The following RBPJ variants were observed in gnomAD, a reference collection of about 807,000 sequenced individuals.
The protein encoded by RBPJ is recombining binding protein suppressor of hairless.
In RBPJ, 9 loss-of-function variants were observed where a neutral mutation model predicts 67.8. That is an observed-to-expected ratio of 0.13 (90% CI 0.08 to 0.23). RBPJ has a LOEUF of 0.23. Among genes scored for constraint, RBPJ ranks in the 10% least tolerant of loss-of-function variants. The pLI is 1.00. For synonymous variants in RBPJ, 198 were observed against 203.3 expected, an observed-to-expected ratio of 0.97 and a Z score of 0.22; for missense variants, 305 against 595.6, an observed-to-expected ratio of 0.51 and a Z score of 5.08.
intron 1 of RBPJ, among the ~76,000 whole-genome samples, chr4:26,258,140 T>TAG (rs1363487932): frequency 1.3e-5 from 2 of 152,234 alleles, no homozygotes; most frequent in Non-Finnish European, 2.9e-5. Context: ...CCAAGCCTCA[T>TAG]AGAGCATCAT....
chr4:26,277,509 T>C (rs1577381704), intron 1 of RBPJ, among the ~76,000 whole-genome samples: 1 of 152,234 alleles, frequency 6.6e-6, no homozygotes, highest in Admixed American at 6.5e-5. Flanking sequence ...CTTCAATGCA[T>C]GGCCTTGGTG....
intron 1 of RBPJ, among the ~76,000 whole-genome samples, chr4:26,164,979 T>TG (rs1716212206): frequency 6.6e-6 from 1 of 152,200 alleles, no homozygotes; most frequent in African/African-American, 2.4e-5. Flanking sequence ...AGACAAACAA[T>TG]GGACTAGTTA....
chr4:26,242,705 TAAAAAAAA>T (rs1025631996), intron 1 of RBPJ, among the ~76,000 whole-genome samples: 6 of 100,414 alleles, frequency 6.0e-5, no homozygotes, highest in Non-Finnish European at 9.9e-5. Flanking sequence ...CACTCATAGT[TAAAAAAAA>T]AAAAAAAAAA....
At chr4:26,158,504 G>A (rs1361625202), upstream of RBPJ, among the ~76,000 whole-genome samples, 5 of 152,200 alleles carry the variant, frequency 3.3e-5, no homozygotes, top group Non-Finnish European at 7.3e-5. Context: ...TTACCCTCCA[G>A]ATGAGGAAAA....
chr4:26,426,298 C>A (rs1206167459), intron 7 of RBPJ, among the ~76,000 whole-genome samples: 2 of 152,158 alleles, frequency 1.3e-5, no homozygotes, highest in Non-Finnish European at 2.9e-5. Context: ...GTTTATAATA[C>A]AAACCACTTA....
chr4:26,321,121 GGTTCGGGGGCCGCGGCGCGCTTGGC>G (rs1218694483), intron 1 of RBPJ, 73 bp downstream of exon 1: 11 of 1,289,110 alleles, frequency 8.5e-6, no homozygotes, highest in African/African-American at 1.5e-5. Flanking sequence ...GCGGGCAGCG[GGTTCGGGGGCCGCGGCGCGCTTGGC>G]GTTCGGGGGC....
chr4:26,210,716 C>CTTCTTTCCTTCTTTCT (rs1718368503), intron 1 of RBPJ, among the ~76,000 whole-genome samples: 1 of 40,090 alleles, frequency 2.5e-5, no homozygotes. Context: ...TCCTTCTTTC[C>CTTCTTTCCTTCTTTCT]TTCTTTCTTT....
chr4:26,329,501 A>C (rs1049397890), intron 1 of RBPJ, among the ~76,000 whole-genome samples: 2 of 152,216 alleles, frequency 1.3e-5, no homozygotes, highest in Non-Finnish European at 2.9e-5. Flanking sequence ...GTTTGTGGCT[A>C]TGAGCATTTC....
At chr4:26,182,118 G>A (rs1489817833) in intron 1 of RBPJ, among the ~76,000 whole-genome samples, 1 of 152,178 alleles carries the variant, frequency 6.6e-6, no homozygotes, top group African/African-American at 2.4e-5. Flanking sequence ...CGAGGCAGCC[G>A]GATCATGAGG....
In RBPJ at chr4:26,424,603, A is replaced by G. The variant is rs199896406; in HGVS notation, c.635-28A>G. The G allele has an allele frequency of 7.4e-4, 1,156 of 1,568,662 alleles. No individual in the cohort carries two copies. The highest frequency in any genetic ancestry group is 9.5e-4 in the Non-Finnish European group (1,094 of 1,145,684). On this transcript the variant is annotated intron_variant, in intron 6 of 10. Transcript: ENST00000355476. The surrounding 1 kb of genome is among the most constrained non-coding windows in gnomAD (Gnocchi z 5.3). ...ATAAAATAAATTTAAAAAGATGACA[A>G]TTTGATTTATTTTTCCACCTACTGC...
At chr4:26,426,610 T>C (rs544230265) in intron 7 of RBPJ, among the ~76,000 whole-genome samples, 1 of 152,284 alleles carries the variant, frequency 6.6e-6, no homozygotes, top group Admixed American at 6.5e-5. Flanking sequence ...ATGTAAAGGA[T>C]TTATGTAGTG....
In RBPJ at chr4:26,264,647, C is replaced by T. The variant is rs1720650049; in HGVS notation, c.-166-97799C>T. On this transcript the variant is annotated intron_variant, in intron 1 of 4. Coordinates refer to the RBPJ transcript ENST00000512351. The surrounding 1 kb of genome is among the most constrained non-coding windows in gnomAD (Gnocchi z 4.1). Reference sequence around the variant, plus strand: ...TCTTCCTCTCTTCCCCATCTAGCCACACTGAAACACTGGCACTCGTCCCAA... The same window carrying T: ...TCTTCCTCTCTTCCCCATCTAGCCATACTGAAACACTGGCACTCGTCCCAA... Among the ~76,000 whole-genome samples, 1 of 152,194 alleles carries T rather than the reference C, an allele frequency of 6.6e-6. No homozygotes were observed. The highest frequency in any genetic ancestry group is 1.5e-5 in the Non-Finnish European group (1 of 68,038).
At chr4:26,415,820 T>TTACGCTGCTGA (rs1734530337) in intron 4 of RBPJ, among the ~76,000 whole-genome samples, 180 bp downstream of exon 4, 1 of 152,190 alleles carries the variant, frequency 6.6e-6, no homozygotes, top group Non-Finnish European at 1.5e-5. Flanking sequence ...CTCATGAAGC[T>TTACGCTGCTGA]TACGCTGCTG....
At chr4:26,156,419 T>C in the RBPJ span, among the ~76,000 whole-genome samples, 1 of 140,862 alleles carries the variant, frequency 7.1e-6, no homozygotes, top group Non-Finnish European at 1.5e-5. Flanking sequence ...TCTTTCTTTT[T>C]TTTTTTTTTT....
At chr4:26,193,771 T>C (rs1717655132) in intron 1 of RBPJ, among the ~76,000 whole-genome samples, 1 of 152,166 alleles carries the variant, frequency 6.6e-6, no homozygotes, top group South Asian at 2.1e-4. Flanking sequence ...TTTCCTGTTC[T>C]CCAGCTCCTT....
At chr4:26,360,573 T>TTA (rs2109492829) in intron 1 of RBPJ, among the ~76,000 whole-genome samples, 1 of 149,518 alleles carries the variant, frequency 6.7e-6, no homozygotes, top group South Asian at 2.1e-4. Context: ...AGCGGAATGT[T>TTA]TTCTAGACAG....
chr4:26,172,982 C>T (rs1025962326), intron 1 of RBPJ, among the ~76,000 whole-genome samples: 25 of 152,144 alleles, frequency 1.6e-4, no homozygotes, highest in Non-Finnish European at 3.5e-4. Flanking sequence ...CACAGGTTAG[C>T]AAGAATTAAC....
Position 26,434,316 on chromosome 4 carries a change from CA to C in RBPJ, c.*3315del. The C allele has an allele frequency of 6.6e-6, 1 of 152,292 alleles. No individual in the cohort carries two copies. The highest frequency in any genetic ancestry group is 2.1e-4 in the South Asian group (1 of 4,822). 9.4% of individuals were successfully genotyped at this position (152,292 alleles called of 1,614,324 possible). A position where few individuals can be genotyped will look rare whatever the true frequency, so the allele number is the denominator to read the frequency against. On this transcript the variant is annotated 3_prime_UTR_variant, in exon 11 of 11. Transcript: ENST00000355476. ...GAAACTGGTACCATCTGTGCTTTCA[CA>C]AAAAACTTCCAATGCCATTTTTGAG...
At chr4:26,129,588 A>C in the RBPJ span, among the ~76,000 whole-genome samples, 1 of 152,234 alleles carries the variant, frequency 6.6e-6, no homozygotes, top group Non-Finnish European at 1.5e-5. Flanking sequence ...ATGAGTTTTT[A>C]TGAACTTACT....
Sources: allele counts gnomAD v4.1 joint callset (sites outside exome capture counted in the v4.1 genomes callset), GRCh38; gene constraint gnomAD v4.1.1; non-coding constraint Gnocchi (gnomAD v3.1); transcripts MANE v1.5; gene names NCBI Gene and HGNC (gene_info 2026-07-23, HGNC 2026-07-21).